ZNF225: variants seen among roughly 807,000 people sequenced by gnomAD.
The protein encoded by ZNF225 is zinc finger protein 225.
Under a neutral mutation model 12.0 loss-of-function variants are expected in ZNF225, and 6 were observed. The observed-to-expected ratio is 0.50, with a 90% confidence interval of 0.27 to 0.98. The LOEUF is 0.98. Among genes scored for constraint, ZNF225 ranks in the 50% least tolerant of loss-of-function variants. The pLI, the probability that ZNF225 is intolerant of heterozygous loss-of-function variation, is 0.11. For missense variants in ZNF225, 763 were observed against 848.2 expected, an observed-to-expected ratio of 0.90 and a Z score of 1.25; for synonymous variants, 271 against 283.2, an observed-to-expected ratio of 0.96 and a Z score of 0.43.
chr19:44,113,918 CTT>C (rs1244881820), intron 1 of ZNF225: 8 of 236,678 alleles, frequency 3.4e-5, no homozygotes, highest in East Asian at 1.8e-4. Flanking sequence ...CTGGTGGTCT[CTT>C]GTTAATTTCC....
chr19:44,115,070 C>CT (rs1369743824), intron 1 of ZNF225, among the ~76,000 whole-genome samples: 2 of 152,104 alleles, frequency 1.3e-5, no homozygotes, highest in Non-Finnish European at 2.9e-5. Context: ...AAGGTGAACT[C>CT]TCCCTTCTCC....
chr19:44,122,736 A>T (rs1356493042), intron 4 of ZNF225, among the ~76,000 whole-genome samples: 1 of 151,870 alleles, frequency 6.6e-6, no homozygotes, highest in East Asian at 1.9e-4. Flanking sequence ...TGTATTCCTG[A>T]GTATTTGATT....
intron 4 of ZNF225, chr19:44,128,936 T>C: frequency 1.0e-5 from 6 of 599,972 alleles, no homozygotes; most frequent in Non-Finnish European, 1.2e-5. Flanking sequence ...TAACTTCACA[T>C]GGAACCAATC....
upstream of ZNF225, chr19:44,113,156 G>C (rs964715687): frequency 5.9e-5 from 9 of 152,478 alleles, no homozygotes; most frequent in African/African-American, 2.2e-4. Context: ...ACTGGCTCCA[G>C]AAGGAGGATA....
At chr19:44,124,871 T>A (rs569477230) in intron 4 of ZNF225, among the ~76,000 whole-genome samples, 2 of 152,338 alleles carry the variant, frequency 1.3e-5, no homozygotes, top group East Asian at 3.9e-4. Flanking sequence ...ATAAAATGCC[T>A]TTTCCACCCT....
intron 4 of ZNF225, among the ~76,000 whole-genome samples, chr19:44,120,362 C>G (rs937329867): frequency 2.6e-5 from 4 of 152,170 alleles, no homozygotes; most frequent in Non-Finnish European, 5.9e-5. Flanking sequence ...TCATGGCTGT[C>G]TATTCACAGG....
rs574907802 is a variant in ZNF225, at chr19:44,117,661, A to G, written c.16-527A>G. On this transcript the variant is annotated intron_variant, in intron 2 of 4. Transcript: ENST00000262894. ...AAACCTACAGGAGGTCTTTTCCATC[A>G]CTGCACTTCTGGTGGAGCTCAGGAA... Among the ~76,000 whole-genome samples the G allele has an allele frequency of 3.3e-5, 5 of 152,314 alleles. No individual in the cohort carries two copies. The South Asian group carries it at 8.3e-4, about 25-fold the overall frequency.
At position 44,131,827 on chromosome 19, in the gene ZNF225, T is replaced by C. The variant is rs1169429961; in HGVS notation, c.1213T>C (p.Cys405Arg). The C allele has an allele frequency of 2.5e-6, 4 of 1,614,142 alleles. No individual in the cohort carries two copies. Among genetic ancestry groups the C allele is most frequent in the Non-Finnish European group, 3.4e-6 (4 of 1,180,024 alleles). ...SGETTFKCEECGKGFYTNSQR... is the reference protein window; with the variant it reads ...SGETTFKCEERGKGFYTNSQR... ...AGAGACAACATTCAAATGTGAAGAA[T>C]GTGGGAAGGGATTTTATACAAATTC... The change falls in exon 5 of 5, where the codon TGT (cysteine) becomes CGT (arginine). Residue 405 changes from cysteine (C) to arginine (R), a missense_variant. Cys to Arg is a radical substitution (Grantham distance 180). Transcript: ENST00000262894.
In ZNF225 at chr19:44,131,342, G is replaced by T. The variant is rs189754665; in HGVS notation, c.728G>T (p.Arg243Leu). 1 of 1,613,946 alleles carries T rather than the reference G, an allele frequency of 6.2e-7. No homozygotes were observed. Among genetic ancestry groups the T allele is most frequent in the Non-Finnish European group, 8.5e-7 (1 of 1,180,014 alleles). Residue 243 changes from arginine to leucine, a missense_variant, in exon 5 of 5, where the codon CGT becomes CTT. Transcript: ENST00000262894. Reference protein sequence around the residue: ...KCEQCGKGFSRRSGLYVHRKL... With the variant: ...KCEQCGKGFSLRSGLYVHRKL... Reference sequence around the variant, plus strand: ...GAGCAGTGTGGGAAAGGCTTTAGTCGTAGATCAGGACTTTATGTTCATCGT... The same window carrying T: ...GAGCAGTGTGGGAAAGGCTTTAGTCTTAGATCAGGACTTTATGTTCATCGT...
In ZNF225 at chr19:44,134,801, A is replaced by G. The variant is rs1270445073; in HGVS notation, c.*2066A>G. 2.0e-5 allele frequency: 3 copies of G among 152,146 alleles called. No individual in the cohort carries two copies. Among genetic ancestry groups the G allele is most frequent in the Admixed American group, 2.0e-4 (3 of 15,276 alleles). The allele number at this position is 152,146 out of a possible 1,614,324, so 9.4% of individuals were successfully genotyped here. ...CAACCACGCTGAATATTAAATACCT[A>G]GTTCTATATCTAGTACCCTGAGCTT... On this transcript the variant is annotated 3_prime_UTR_variant, in exon 5 of 5. Coordinates refer to ENST00000262894, the MANE Select transcript of ZNF225 (RefSeq NM_013362.4).
At position 44,132,005 on chromosome 19, in the gene ZNF225, G is replaced by C. The variant is rs1381906218; in HGVS notation, c.1391G>C (p.Ser464Thr). 1.4e-5 allele frequency: 22 copies of C among 1,614,116 alleles called. No homozygotes were observed. Among genetic ancestry groups the C allele is most frequent in the Non-Finnish European group, 1.9e-5 (22 of 1,180,016 alleles). ...TATAATTGTAAGGAATGTGGGAAGA[G>C]CTTTGGCTGGGCCTCGTGTCTTTTG... ...KPYNCKECGK[S>T]FGWASCLLNH... Residue 464 changes from serine to threonine, a missense_variant, in exon 5 of 5, where the codon AGC becomes ACC. Coordinates refer to ENST00000262894, the MANE Select transcript of ZNF225 (RefSeq NM_013362.4).
At chr19:44,126,824 A>T (rs1045867376) in intron 4 of ZNF225, among the ~76,000 whole-genome samples, 1 of 152,098 alleles carries the variant, frequency 6.6e-6, no homozygotes, top group Non-Finnish European at 1.5e-5. Flanking sequence ...AAGTAGGGGA[A>T]AGCTGGCAGT....
At chr19:44,111,541 AAAG>A (rs1159354066), upstream of ZNF225, among the ~76,000 whole-genome samples, 6 of 152,272 alleles carry the variant, frequency 3.9e-5, no homozygotes, top group Admixed American at 2.0e-4. Context: ...CAAAAGGTGA[AAAG>A]AAGCCAAATG....
chr19:44,111,832 T>C (rs948563097), upstream of ZNF225: 1 of 152,172 alleles, frequency 6.6e-6, no homozygotes, highest in African/African-American at 2.4e-5. Context: ...GTGATAAAAA[T>C]GTTTTGTAAT....
intron 4 of ZNF225, chr19:44,129,064 C>G (rs1968197791): frequency 8.1e-7 from 1 of 1,231,582 alleles, no homozygotes; most frequent in Non-Finnish European, 1.0e-6. Flanking sequence ...AGATTCCCAT[C>G]AAAACTGAAG....
intron 4 of ZNF225, chr19:44,129,034 T>C: frequency 1.6e-6 from 2 of 1,231,132 alleles, no homozygotes; most frequent in Non-Finnish European, 2.0e-6. Flanking sequence ...TTTGTGTATT[T>C]CTGTCAGGTC....
chr19:44,115,236 T>C (rs1260857167), intron 1 of ZNF225, among the ~76,000 whole-genome samples: 2 of 152,216 alleles, frequency 1.3e-5, no homozygotes, highest in African/African-American at 4.8e-5. Flanking sequence ...ACTACCCATT[T>C]CGTGTGTACA....
upstream of ZNF225, among the ~76,000 whole-genome samples, chr19:44,112,547 TA>T (rs1318840089): frequency 1.3e-5 from 2 of 152,008 alleles, no homozygotes; most frequent in Non-Finnish European, 2.9e-5. Flanking sequence ...TTTTAAATAA[TA>T]AAACGACCAC....
At chr19:44,126,125 T>C (rs762959450) in intron 4 of ZNF225, among the ~76,000 whole-genome samples, 3 of 152,222 alleles carry the variant, frequency 2.0e-5, no homozygotes, top group Non-Finnish European at 4.4e-5. Flanking sequence ...TGTTTTGTCA[T>C]ATTACCAGAG....
Sources: gnomAD v4.1 joint callset for allele counts (sites outside exome capture counted in the v4.1 genomes callset) on GRCh38, gnomAD v4.1.1 for gene constraint, MANE v1.5 for transcripts, NCBI Gene and HGNC (gene_info 2026-07-23, HGNC 2026-07-21) for gene names.